PTPN1: variants seen among roughly 807,000 people sequenced by gnomAD.
PTPN1 encodes the protein protein tyrosine phosphatase non-receptor type 1.
A neutral mutation model predicts 59.9 loss-of-function variants in PTPN1; 12 were observed. The ratio of observed to expected loss-of-function variants is 0.20; its 90% CI spans 0.13 to 0.32. PTPN1 has a LOEUF of 0.32. PTPN1 is among the 10% of genes least tolerant of loss of function. The probability of loss-of-function intolerance (pLI) is 1.00; values close to 1 mark genes in which losing one functional copy is unlikely to be tolerated. For missense variants in PTPN1, 356 were observed against 549.2 expected (o/e 0.65, Z 3.52); for synonymous variants, 178 against 203.6 (o/e 0.87, Z 1.07).
intron 1 of PTPN1, among the ~76,000 whole-genome samples, chr20:50,534,730 CT>C (rs113246580): frequency 8.8e-5 from 13 of 148,340 alleles, no homozygotes; most frequent in African/African-American, 1.5e-4. Context: ...AATCCTTATC[CT>C]TTTTTTTTTA....
chr20:50,559,284 G>A (rs561329598), intron 1 of PTPN1, among the ~76,000 whole-genome samples: 3 of 152,104 alleles, frequency 2.0e-5, no homozygotes, highest in South Asian at 2.1e-4. Context: ...CACCCACCTC[G>A]GAATGTTTTT....
rs756253013 is a variant in PTPN1 at position 50,579,884 on chromosome 20, A to G, written c.1046A>G (p.Glu349Gly). The G allele has an allele frequency of 1.9e-6, 3 of 1,614,142 alleles. No individual in the cohort carries two copies. The Admixed American group carries it at 5.0e-5, about 27-fold the overall frequency. ...QEDKDCPIKE[E>G]KGSPLNAAPY... ...GATAAAGACTGCCCCATCAAGGAAG[A>G]AAAAGGAAGCCCCTTAAATGCCGCA... Residue 349 changes from glutamate to glycine, a missense_variant, in exon 8 of 10, where the codon GAA becomes GGA. Physicochemically the swap from Glu to Gly is moderately conservative, Grantham distance 98. Around this residue, in one of 3 missense-constraint regions of PTPN1, gnomAD observed 100 missense variants for 107.7 expected, o/e 0.93. Coordinates refer to ENST00000371621, the MANE Select transcript of PTPN1 (RefSeq NM_002827.4).
At position 50,562,281 on chromosome 20, in the gene PTPN1, AG is replaced by A. The variant is rs554323430; in HGVS notation, c.154+830del. Reference sequence around the variant, plus strand: ...CATTCCTCCAGTGGGCACTTCCTGCAGGTCCTGTGCCCATGGCTGGGAGTGG... The same window carrying A: ...CATTCCTCCAGTGGGCACTTCCTGCAGTCCTGTGCCCATGGCTGGGAGTGG... On this transcript the variant is annotated intron_variant, in intron 2 of 9. Transcript: ENST00000371621. Among the ~76,000 whole-genome samples, 16 of 152,318 alleles carry A rather than the reference AG, an allele frequency of 1.1e-4. No individual in the cohort carries two copies. In the South Asian group the frequency reaches 3.1e-3, roughly 30 times the overall value.
intron 1 of PTPN1, among the ~76,000 whole-genome samples, chr20:50,556,063 T>C (rs1367407415): frequency 6.6e-6 from 1 of 152,056 alleles, no homozygotes; most frequent in East Asian, 1.9e-4. Flanking sequence ...CTGTATAGCA[T>C]TTCCCTGAAA....
chr20:50,517,329 A>G lies in PTPN1; in HGVS notation c.63+6739A>G, dbSNP rs535449164. On this transcript the variant is annotated intron_variant, in intron 1 of 9. Transcript: ENST00000371621. ...GAGTGCAGTGGCACAATCTTGGCTCACTGCAACCTCCACCTCCTGGGCTCA... is the reference window on the plus strand; with the variant it reads ...GAGTGCAGTGGCACAATCTTGGCTCGCTGCAACCTCCACCTCCTGGGCTCA... 1.4e-3 allele frequency among the ~76,000 whole-genome samples: 215 copies of G among 152,246 alleles called. 2 individuals carry two copies. The highest frequency in any genetic ancestry group is 4.9e-3 in the African/African-American group (203 of 41,530).
intron 1 of PTPN1, among the ~76,000 whole-genome samples, chr20:50,528,350 A>G (rs1295208617): frequency 2.0e-5 from 3 of 152,106 alleles, no homozygotes; most frequent in Non-Finnish European, 4.4e-5. Context: ...AAGTCTTATA[A>G]AGGGCGGGGC....
chr20:50,532,099 A>G (rs1400207671), intron 1 of PTPN1, among the ~76,000 whole-genome samples: 1 of 152,258 alleles, frequency 6.6e-6, no homozygotes, highest in Admixed American at 6.5e-5. Flanking sequence ...GTAACCTACC[A>G]ATGCCAGTTG....
chr20:50,536,318 G>C (rs1425222195), intron 1 of PTPN1, among the ~76,000 whole-genome samples: 2 of 152,116 alleles, frequency 1.3e-5, no homozygotes, highest in South Asian at 4.1e-4. Context: ...AATGTATTCC[G>C]TGAATGCAGT....
At chr20:50,549,102 T>C (rs2082689992) in intron 1 of PTPN1, among the ~76,000 whole-genome samples, 1 of 152,216 alleles carries the variant, frequency 6.6e-6, no homozygotes, top group African/African-American at 2.4e-5. Context: ...GATTTGTTGG[T>C]TATCATTTGT....
At chr20:50,578,821 C>G (rs897126181) in intron 6 of PTPN1, among the ~76,000 whole-genome samples, 192 bp downstream of exon 6, 1 of 152,202 alleles carries the variant, frequency 6.6e-6, no homozygotes, top group African/African-American at 2.4e-5. Flanking sequence ...AACTGGCTCC[C>G]GGTTCTGCAG....
At chr20:50,543,565 TAC>T (rs1167788030) in intron 1 of PTPN1, among the ~76,000 whole-genome samples, 1 of 152,118 alleles carries the variant, frequency 6.6e-6, no homozygotes, top group African/African-American at 2.4e-5. Flanking sequence ...GCTGCTGAAA[TAC>T]ACAAACACAA....
chr20:50,577,188 G>A (rs1002903233), intron 5 of PTPN1, among the ~76,000 whole-genome samples: 1 of 152,194 alleles, frequency 6.6e-6, no homozygotes, highest in African/African-American at 2.4e-5. Flanking sequence ...CAGCAGAGTT[G>A]GGGGAGGTCC....
At chr20:50,557,048 A>G (rs1003741832) in intron 1 of PTPN1, among the ~76,000 whole-genome samples, 1 of 152,202 alleles carries the variant, frequency 6.6e-6, no homozygotes, top group Non-Finnish European at 1.5e-5. Flanking sequence ...GGGCAACAAG[A>G]GCAAAACCCC....
rs146123083 is a variant in PTPN1 at position 50,525,000 on chromosome 20, A to G, written c.63+14410A>G. On this transcript the variant is annotated intron_variant, in intron 1 of 9. Coordinates refer to ENST00000371621, the MANE Select transcript of PTPN1 (RefSeq NM_002827.4). ...TACTTTTAAATGGCTAAGTGATAAG[A>G]CTGAATTTTTAGGTACTGTAACACT... is the stretch of plus-strand genomic sequence containing the variant. 5.6e-4 allele frequency among the ~76,000 whole-genome samples: 85 copies of G among 152,242 alleles called. 1 individual carries two copies. The East Asian group carries it at 8.5e-3, about 15-fold the overall frequency.
At chr20:50,574,178 C>T (rs1418624389) in intron 4 of PTPN1, 6 of 227,384 alleles carry the variant, frequency 2.6e-5, no homozygotes, top group Admixed American at 6.0e-5. Context: ...TTTGAAATGG[C>T]TACACAGAGG....
chr20:50,526,103 G>A (rs886962460), intron 1 of PTPN1, among the ~76,000 whole-genome samples: 4 of 152,142 alleles, frequency 2.6e-5, no homozygotes, highest in Admixed American at 1.3e-4. Flanking sequence ...GTGTGTGTGC[G>A]CGTGCAGATT....
chr20:50,561,213 C>A, intron 1 of PTPN1, 150 bp from the exon 2 acceptor site: 3 of 614,086 alleles, frequency 4.9e-6, no homozygotes, highest in Non-Finnish European at 8.5e-6. Flanking sequence ...TGTGCTCATT[C>A]CTCCTCGGTT....
chr20:50,565,098 A>C (rs2082772691), intron 3 of PTPN1, 29 bp downstream of exon 3: 4 of 1,598,892 alleles, frequency 2.5e-6, no homozygotes, highest in Non-Finnish European at 3.4e-6. Flanking sequence ...TTTTCTATTT[A>C]ATGTCAATTT....
intron 1 of PTPN1, among the ~76,000 whole-genome samples, chr20:50,534,848 C>T (rs1455147614): frequency 6.6e-6 from 1 of 152,156 alleles, no homozygotes; most frequent in Non-Finnish European, 1.5e-5. Context: ...ACGTCAGCCT[C>T]TGGAGTAGCT....
Sources: allele counts gnomAD v4.1 joint callset (sites outside exome capture counted in the v4.1 genomes callset), GRCh38; gene constraint gnomAD v4.1.1; regional missense constraint gnomAD v4.1.1; transcripts MANE v1.5; gene names NCBI Gene and HGNC (gene_info 2026-07-23, HGNC 2026-07-21).